ATP2C1: variants seen among roughly 807,000 people sequenced by gnomAD.
ATP2C1 encodes ATPase secretory pathway Ca2+ transporting 1.
ATP2C1 carries 31 observed loss-of-function variants against 120.5 expected under a neutral mutation model. That is an observed-to-expected ratio of 0.26 (90% confidence interval 0.19 to 0.35). ATP2C1 has a LOEUF of 0.35. Ranked by LOEUF, ATP2C1 falls within the 10% of genes least tolerant of loss-of-function variation. ATP2C1 has a pLI of 1.00. For missense variants in ATP2C1, 731 were observed against 1,107.5 expected (o/e 0.66, Z 4.83); for synonymous variants, 351 against 358.7 (o/e 0.98, Z 0.24).
chr3:130,993,173 T>C (rs1230305340), intron 21 of ATP2C1, among the ~76,000 whole-genome samples, 172 bp downstream of exon 21: 1 of 152,184 alleles, frequency 6.6e-6, no homozygotes, highest in Non-Finnish European at 1.5e-5. Context: ...GAGAATTTAG[T>C]TGGCATAAGA....
Position 130,894,563 on chromosome 3 carries a change from C to A in ATP2C1, c.-180-27C>A. Reference sequence around the variant, plus strand: ...AACTCCTTCCTCAGCCTCTCGTCAGCGCCGCTTCTCCTGGTTTCTCTTGCA... The same window carrying A: ...AACTCCTTCCTCAGCCTCTCGTCAGAGCCGCTTCTCCTGGTTTCTCTTGCA... On this transcript the variant is annotated intron_variant, in intron 1 of 27. Coordinates refer to ENST00000510168, the MANE Select transcript of ATP2C1 (RefSeq NM_001378687.1). The surrounding 1 kb of genome is among the most constrained non-coding windows in gnomAD (Gnocchi z 4.5). The A allele has an allele frequency of 2.8e-6, 4 of 1,428,816 alleles. No individual in the cohort carries two copies. The highest frequency in any genetic ancestry group is 3.7e-6 in the Non-Finnish European group (4 of 1,091,204). The allele number at this position is 1,428,816 out of a possible 1,614,324, so 88.5% of individuals were successfully genotyped here.
intron 14 of ATP2C1, 58 bp downstream of exon 14, chr3:130,965,103 T>G: frequency 1.6e-6 from 2 of 1,222,348 alleles, no homozygotes; most frequent in Non-Finnish European, 2.4e-6. Flanking sequence ...AAACTTGGTG[T>G]TTAACATTCC....
chr3:130,933,642 A>AT (rs1344726164), intron 4 of ATP2C1, among the ~76,000 whole-genome samples: 1 of 152,184 alleles, frequency 6.6e-6, no homozygotes, highest in African/African-American at 2.4e-5. Flanking sequence ...TTAACTTATT[A>AT]TTTTTTAAAA....
Position 131,002,988 on chromosome 3 carries a change from G to A in ATP2C1, c.*1638G>A, listed in dbSNP as rs572441730. 3.0e-6 allele frequency: 3 copies of A among 985,540 alleles called. No individual in the cohort carries two copies. The highest frequency in any genetic ancestry group is 3.6e-6 in the Non-Finnish European group (3 of 829,710). 61.0% of individuals were successfully genotyped at this position (985,540 alleles called of 1,614,324 possible). A position where few individuals can be genotyped will look rare whatever the true frequency, so the allele number is the denominator to read the frequency against. ...ACTTGATGTCTCATACCTTAATTTT[G>A]TAATGATTTTTATTCTCTGTTACAA... On this transcript the variant is annotated 3_prime_UTR_variant, in exon 28 of 28. Transcript: ENST00000510168.
At chr3:130,907,258 A>G (rs1048591889) in intron 2 of ATP2C1, among the ~76,000 whole-genome samples, 7 of 152,054 alleles carry the variant, frequency 4.6e-5, no homozygotes, top group Admixed American at 4.6e-4. Flanking sequence ...TTACCTGTTC[A>G]CTTTCTGAAT....
exon 27 of ATP2C1, chr3:131,016,596 C>T (rs2063642580): frequency 4.1e-6 from 2 of 491,724 alleles, no homozygotes; most frequent in Non-Finnish European, 7.3e-6. Context: ...TTCCACTGGT[C>T]TACTACCTGA....
intron 1 of ATP2C1, among the ~76,000 whole-genome samples, chr3:130,877,788 G>A (rs2068652778): frequency 6.6e-6 from 1 of 152,120 alleles, no homozygotes; most frequent in Non-Finnish European, 1.5e-5. Flanking sequence ...CCATTACTGG[G>A]TATATATCCA....
At chr3:130,875,298 A>C (rs948669032) in intron 1 of ATP2C1, among the ~76,000 whole-genome samples, 2 of 152,178 alleles carry the variant, frequency 1.3e-5, no homozygotes, top group Non-Finnish European at 2.9e-5. Context: ...TACATTTACC[A>C]GCCTCTAGTA....
rs2068342474 is a variant in ATP2C1 at position 130,869,422 on chromosome 3, T to TAAAAAAAAAAAA, written c.108+18500_108+18501insAAAAAAAAAAAA. On this transcript the variant is annotated intron_variant, in intron 1 of 26. Coordinates refer to the ATP2C1 transcript ENST00000504381. ...GCGAGAAACACCCAAGAATGATCAA[T>TAAAAAAAAAAAA]AAAAAATAAAAAAAAAAAAAAAAAA... The TAAAAAAAAAAAA allele has an allele frequency of 1.3e-4, 7 of 54,804 alleles. 1 individual carries two copies. The highest frequency in any genetic ancestry group is 6.1e-4 in the South Asian group (1 of 1,632). 3.4% of individuals were successfully genotyped at this position (54,804 alleles called of 1,614,324 possible).
At chr3:130,985,678 A>G (rs553495377) in intron 20 of ATP2C1, among the ~76,000 whole-genome samples, 2 of 151,358 alleles carry the variant, frequency 1.3e-5, no homozygotes, top group South Asian at 2.1e-4. Flanking sequence ...AACCAAATTA[A>G]CAACAACAGC....
chr3:130,918,360 G>A lies in ATP2C1; in HGVS notation c.7-12056G>A. On this transcript the variant is annotated intron_variant, in intron 2 of 27. Transcript: ENST00000510168. ...TGATTCAAGACTCTTCCCACACTTT[G>A]CACATCGGAAATAGTTTTTGTTCCA... 3 of 1,542,406 alleles carry A rather than the reference G, an allele frequency of 1.9e-6. No homozygotes were observed. In the Admixed American group the frequency reaches 5.0e-5, roughly 26 times the overall value.
At chr3:130,880,237 T>C (rs1269582651) in intron 1 of ATP2C1, among the ~76,000 whole-genome samples, 2 of 152,210 alleles carry the variant, frequency 1.3e-5, no homozygotes, top group Non-Finnish European at 2.9e-5. Flanking sequence ...TCATTTAAAA[T>C]ACCAATATTT....
At chr3:130,979,194 A>T (rs1034490156) in intron 18 of ATP2C1, 55 bp from the exon 19 acceptor site, 44 of 1,553,622 alleles carry the variant, frequency 2.8e-5, no homozygotes, top group Admixed American at 1.0e-4. Context: ...CTAAATTCTG[A>T]TGTTTTCATG....
At chr3:131,009,082 G>T (rs2063219515) in intron 26 of ATP2C1, among the ~76,000 whole-genome samples, 1 of 152,122 alleles carries the variant, frequency 6.6e-6, no homozygotes, top group African/African-American at 2.4e-5. Context: ...CTACCTCTTG[G>T]ATGCACAAGA....
At chr3:130,921,192 C>G (rs2058950220) in intron 2 of ATP2C1, among the ~76,000 whole-genome samples, 1 of 151,664 alleles carries the variant, frequency 6.6e-6, no homozygotes, top group South Asian at 2.1e-4. Context: ...AGTGATTCTC[C>G]TGCCTCAGCC....
intron 2 of ATP2C1, among the ~76,000 whole-genome samples, chr3:130,924,118 T>G (rs2059094895): frequency 6.7e-6 from 1 of 149,712 alleles, no homozygotes; most frequent in Admixed American, 6.8e-5. Context: ...ATGCTAGTTG[T>G]TGCCTTAATC....
chr3:130,933,549 C>A (rs145857702), intron 4 of ATP2C1, among the ~76,000 whole-genome samples: 2 of 152,088 alleles, frequency 1.3e-5, no homozygotes, highest in African/African-American at 4.8e-5. Context: ...TGGATTCAAA[C>A]CTAGGTACTC....
At chr3:131,012,993 T>A (rs2109042573) in intron 26 of ATP2C1, among the ~76,000 whole-genome samples, 1 of 152,372 alleles carries the variant, frequency 6.6e-6, no homozygotes, top group South Asian at 2.1e-4. Context: ...AAGCTACCTT[T>A]AGGGCTATTC....
chr3:130,930,702 T>C lies in ATP2C1; in HGVS notation c.117+176T>C, dbSNP rs77557042. Among the ~76,000 whole-genome samples the C allele has an allele frequency of 0.027, 4,102 of 152,256 alleles. 190 individuals carry two copies. Among genetic ancestry groups the C allele is most frequent in the African/African-American group, 0.093 (3,874 of 41,538 alleles). On this transcript the variant is annotated intron_variant, in intron 3 of 27. Coordinates refer to ENST00000510168, the MANE Select transcript of ATP2C1 (RefSeq NM_001378687.1). ...GTTGAGCTTGACATGGGGTTAAACTTGACAGAATTAAACATGACTATATGA... is the reference window on the plus strand; with the variant it reads ...GTTGAGCTTGACATGGGGTTAAACTCGACAGAATTAAACATGACTATATGA...
Sources: gnomAD v4.1 joint callset for allele counts (sites outside exome capture counted in the v4.1 genomes callset) on GRCh38, gnomAD v4.1.1 for gene constraint, Gnocchi (gnomAD v3.1) non-coding constraint, MANE v1.5 for transcripts, NCBI Gene and HGNC (gene_info 2026-07-23, HGNC 2026-07-21) for gene names.